BRINP3: variants seen among roughly 807,000 people sequenced by gnomAD.
The protein encoded by BRINP3 is BMP/retinoic acid-inducible neural-specific protein 3.
A neutral mutation model predicts 71.0 loss-of-function variants in BRINP3; 19 were observed. The ratio of observed to expected loss-of-function variants is 0.27; its 90% CI spans 0.19 to 0.39. The LOEUF (loss-of-function observed/expected upper bound fraction) is 0.39, where lower values mean the gene tolerates loss of function less well. BRINP3 is among the 10% of genes least tolerant of loss of function. The pLI is 1.00. For synonymous variants in BRINP3, 380 were observed against 337.7 expected, an observed-to-expected ratio of 1.13 and a Z score of -1.37; for missense variants, 959 against 940.8, an observed-to-expected ratio of 1.02 and a Z score of -0.25.
intron 2 of BRINP3, among the ~76,000 whole-genome samples, chr1:190,322,772 A>T (rs115272017): frequency 2.0e-5 from 3 of 152,164 alleles, no homozygotes; most frequent in Non-Finnish European, 2.9e-5. Flanking sequence ...AAATTTTCTA[A>T]TAAATATAAA....
At chr1:190,477,207 T>A (rs1263746567) in intron 1 of BRINP3, among the ~76,000 whole-genome samples, 5 of 152,120 alleles carry the variant, frequency 3.3e-5, no homozygotes, top group Non-Finnish European at 2.9e-5. Flanking sequence ...GGACAAATAT[T>A]TTAAAAATAA....
chr1:190,324,951 C>G (rs2103061690), intron 2 of BRINP3, among the ~76,000 whole-genome samples: 1 of 151,790 alleles, frequency 6.6e-6, no homozygotes, highest in Non-Finnish European at 1.5e-5. Flanking sequence ...AAACAAAAAT[C>G]TAATAAAAAT....
intron 4 of BRINP3, among the ~76,000 whole-genome samples, chr1:190,262,251 C>A (rs1418420680): frequency 6.6e-6 from 1 of 152,092 alleles, no homozygotes; most frequent in Non-Finnish European, 1.5e-5. Flanking sequence ...GTGCAGCTAA[C>A]CTTGGCCTGG....
intron 6 of BRINP3, among the ~76,000 whole-genome samples, chr1:190,211,299 C>A (rs1655968899): frequency 6.6e-6 from 1 of 152,000 alleles, no homozygotes; most frequent in South Asian, 2.1e-4. Flanking sequence ...AAAAACCTTC[C>A]TTTAATATAT....
intron 2 of BRINP3, among the ~76,000 whole-genome samples, chr1:190,429,459 A>G (rs1673943986): frequency 1.3e-5 from 2 of 152,296 alleles, no homozygotes; most frequent in South Asian, 4.1e-4. Context: ...ATGAGATGAA[A>G]ACTTACTTTT....
At chr1:190,343,356 T>C (rs1431005325) in intron 2 of BRINP3, among the ~76,000 whole-genome samples, 1 of 151,768 alleles carries the variant, frequency 6.6e-6, no homozygotes, top group African/African-American at 2.4e-5. Context: ...ATGCAGAAAC[T>C]TTGCACAGTA....
chr1:190,469,629 A>G (rs972990090), intron 1 of BRINP3, among the ~76,000 whole-genome samples: 1 of 150,976 alleles, frequency 6.6e-6, no homozygotes, highest in African/African-American at 2.4e-5. Context: ...GTTTCAAACC[A>G]TCAGAAATAT....
chr1:190,377,764 G>A (rs11584928), intron 2 of BRINP3, among the ~76,000 whole-genome samples: 1 of 151,522 alleles, frequency 6.6e-6, no homozygotes, highest in African/African-American at 2.4e-5. Flanking sequence ...ATGAAATTAA[G>A]AAAACTATTC....
At chr1:190,401,241 C>G (rs978969683) in intron 2 of BRINP3, among the ~76,000 whole-genome samples, 2 of 151,668 alleles carry the variant, frequency 1.3e-5, no homozygotes, top group Non-Finnish European at 2.9e-5. Flanking sequence ...GCCTGTAATC[C>G]CAGCTACTTG....
intron 2 of BRINP3, among the ~76,000 whole-genome samples, chr1:190,408,009 C>G (rs1185217712): frequency 1.4e-5 from 2 of 138,316 alleles, no homozygotes; most frequent in East Asian, 4.5e-4. Flanking sequence ...ACTTTCTTTT[C>G]TACATTTGTC....
chr1:190,412,199 G>T (rs903880960), intron 2 of BRINP3, among the ~76,000 whole-genome samples: 1 of 151,874 alleles, frequency 6.6e-6, no homozygotes, highest in Non-Finnish European at 1.5e-5. Flanking sequence ...ATAAGTATTG[G>T]GGAAGGGCTG....
At chr1:190,267,417 T>C (rs1661749596) in intron 3 of BRINP3, among the ~76,000 whole-genome samples, 2 of 151,854 alleles carry the variant, frequency 1.3e-5, no homozygotes, top group Non-Finnish European at 2.9e-5. Context: ...TAAGGCAAAA[T>C]TACAAATTTT....
rs534779079 is a variant in BRINP3 at position 190,282,661 on chromosome 1, C to G, written c.237-911G>C. Among the ~76,000 whole-genome samples, 114 of 151,956 alleles carry G rather than the reference C, an allele frequency of 7.5e-4. 1 individual carries two copies. The highest frequency in any genetic ancestry group is 1.4e-3 in the Non-Finnish European group (92 of 67,950). ...TCTATTTTTCTCCAAAAAATGCTTG[C>G]TATGTGCCAGGATCAGTGCATGATA... On this transcript the variant is annotated intron_variant, in intron 2 of 7. Coordinates refer to ENST00000367462, the MANE Select transcript of BRINP3 (RefSeq NM_199051.3).
chr1:190,200,209 C>A (rs2102608051), intron 6 of BRINP3, among the ~76,000 whole-genome samples: 1 of 152,224 alleles, frequency 6.6e-6, no homozygotes, highest in African/African-American at 2.4e-5. Context: ...CGATCTTGAT[C>A]ATTTTATAAC....
At chr1:190,435,297 A>C (rs1208946720) in intron 2 of BRINP3, among the ~76,000 whole-genome samples, 1 of 152,096 alleles carries the variant, frequency 6.6e-6, no homozygotes, top group East Asian at 1.9e-4. Flanking sequence ...TAGATACTTC[A>C]AACTTTTGAC....
chr1:190,312,055 A>C (rs1293806366), intron 2 of BRINP3, among the ~76,000 whole-genome samples: 1 of 139,900 alleles, frequency 7.1e-6, no homozygotes, highest in African/African-American at 2.6e-5. Flanking sequence ...ATATATATAT[A>C]TATATATATA....
At chr1:190,244,038 C>T (rs375720406) in intron 4 of BRINP3, among the ~76,000 whole-genome samples, 1 of 152,038 alleles carries the variant, frequency 6.6e-6, no homozygotes, top group Non-Finnish European at 1.5e-5. Context: ...ACTAACTCCA[C>T]ATTACAGTGA....
intron 6 of BRINP3, among the ~76,000 whole-genome samples, chr1:190,181,885 A>C (rs1217565394): frequency 6.6e-6 from 1 of 151,928 alleles, no homozygotes; most frequent in Non-Finnish European, 1.5e-5. Context: ...CTAGCCATTA[A>C]TTTAGGGAGG....
At chr1:190,280,334 T>C (rs1183690638) in intron 3 of BRINP3, among the ~76,000 whole-genome samples, 1 of 151,866 alleles carries the variant, frequency 6.6e-6, no homozygotes, top group Non-Finnish European at 1.5e-5. Flanking sequence ...TAAGGCTTTA[T>C]AAACCACAGG....
Sources: gnomAD v4.1 joint callset for allele counts (sites outside exome capture counted in the v4.1 genomes callset) on GRCh38, gnomAD v4.1.1 for gene constraint, MANE v1.5 for transcripts, NCBI Gene and HGNC (gene_info 2026-07-23, HGNC 2026-07-21) for gene names.